PPFIA2: variants seen among roughly 807,000 people sequenced by gnomAD.
The protein encoded by PPFIA2 is PPFI scaffold protein A2.
A neutral mutation model predicts 175.5 loss-of-function variants in PPFIA2; 46 were observed. That is an observed-to-expected ratio of 0.26 (90% confidence interval 0.21 to 0.34). The LOEUF (loss-of-function observed/expected upper bound fraction) is 0.34, where lower values mean the gene tolerates loss of function less well. Among genes scored for constraint, PPFIA2 ranks in the 10% least tolerant of loss-of-function variants. PPFIA2 has a pLI of 1.00. For synonymous variants in PPFIA2, 568 were observed against 511.4 expected (o/e 1.11, Z -1.49); for missense variants, 1,179 against 1,506.1 (o/e 0.78, Z 3.60).
intron 3 of PPFIA2, among the ~76,000 whole-genome samples, chr12:81,747,183 C>G (rs775424981): frequency 4.2e-5 from 6 of 143,490 alleles, no homozygotes; most frequent in Non-Finnish European, 9.4e-5. Flanking sequence ...AATAGGATGG[C>G]TATAACAGGA....
intron 24 of PPFIA2, among the ~76,000 whole-genome samples, chr12:81,285,328 T>C (rs997179633): frequency 6.6e-6 from 1 of 152,080 alleles, no homozygotes; most frequent in Admixed American, 6.6e-5. Flanking sequence ...GAGGGTCCAA[T>C]CTTTAAAGAA....
intron 4 of PPFIA2, among the ~76,000 whole-genome samples, chr12:81,653,431 T>G (rs953731386): frequency 1.3e-5 from 2 of 152,074 alleles, no homozygotes; most frequent in African/African-American, 4.8e-5. Context: ...AAAACCAAGT[T>G]GTCAGTAGAT....
At chr12:81,603,297 T>C (rs533721851) in intron 4 of PPFIA2, among the ~76,000 whole-genome samples, 1 of 151,974 alleles carries the variant, frequency 6.6e-6, no homozygotes, top group South Asian at 2.1e-4. Context: ...TTAATTGCAA[T>C]GTCTCATTAA....
intron 4 of PPFIA2, among the ~76,000 whole-genome samples, chr12:81,543,996 A>C (rs1020109815): frequency 2.6e-5 from 4 of 152,174 alleles, no homozygotes; most frequent in Admixed American, 2.0e-4. Flanking sequence ...ATTATGTGGT[A>C]TCCTGGAAGA....
chr12:81,358,919 G>A (rs914402163), intron 15 of PPFIA2, among the ~76,000 whole-genome samples: 3 of 152,018 alleles, frequency 2.0e-5, no homozygotes, highest in African/African-American at 7.2e-5. Context: ...AAAGATGAAA[G>A]AGTCGGAAAA....
intron 20 of PPFIA2, among the ~76,000 whole-genome samples, 174 bp downstream of exon 20, chr12:81,340,904 T>C (rs1431788181): frequency 1.3e-5 from 2 of 152,062 alleles, no homozygotes; most frequent in African/African-American, 2.4e-5. Flanking sequence ...AAAATACAAA[T>C]TTGATATCAA....
At chr12:81,725,286 A>T (rs1181596461) in intron 3 of PPFIA2, among the ~76,000 whole-genome samples, 1 of 150,946 alleles carries the variant, frequency 6.6e-6, no homozygotes, top group Admixed American at 6.6e-5. Context: ...AAATACATAC[A>T]TTTTACCATA....
At chr12:81,599,967 C>T (rs1314999876) in intron 4 of PPFIA2, among the ~76,000 whole-genome samples, 1 of 151,940 alleles carries the variant, frequency 6.6e-6, no homozygotes, top group Non-Finnish European at 1.5e-5. Context: ...ATTAGTGGTA[C>T]ATGACATCCA....
At position 81,479,761 on chromosome 12, in the gene PPFIA2, C is replaced by T. The variant is rs552530086; in HGVS notation, c.304-21895G>A. Among the ~76,000 whole-genome samples, 10 of 151,550 alleles carry T rather than the reference C, an allele frequency of 6.6e-5. No homozygotes were observed. In the South Asian group the frequency reaches 2.1e-3, roughly 31 times the overall value. ...ATGTTGAATATTGGCCTCCACTCTT[C>T]TGCAGAGAGATCCGTGGTTAGTCTG... On this transcript the variant is annotated intron_variant, in intron 4 of 32. Coordinates refer to ENST00000549396, the MANE Select transcript of PPFIA2 (RefSeq NM_003625.5).
At chr12:81,267,215 G>A in intron 29 of PPFIA2, 195 bp from the exon 30 acceptor site, 1 of 507,790 alleles carries the variant, frequency 2.0e-6, no homozygotes. Flanking sequence ...TTTTTTTTCT[G>A]TGAACAGTAG....
intron 17 of PPFIA2, among the ~76,000 whole-genome samples, chr12:81,350,717 G>A (rs2059863939): frequency 6.6e-6 from 1 of 152,146 alleles, no homozygotes; most frequent in South Asian, 2.1e-4. Flanking sequence ...ACACATTTGT[G>A]TGTTTAAAAG....
chr12:81,561,219 A>G (rs1033293054), intron 4 of PPFIA2, among the ~76,000 whole-genome samples: 4 of 152,210 alleles, frequency 2.6e-5, no homozygotes, highest in African/African-American at 9.6e-5. Flanking sequence ...AGCAAACTTC[A>G]TGAACAGAAT....
In PPFIA2 at chr12:81,693,678, G is replaced by A. The variant is rs946887330; in HGVS notation, c.250-16834C>T. On this transcript the variant is annotated intron_variant, in intron 3 of 32. Transcript: ENST00000549396. ...GGAAGTGACTGTGTAACTGGGTAAC[G>A]GGCAGAGGTTGGAAGAGTTTGGAGG... Among the ~76,000 whole-genome samples, 9 of 152,100 alleles carry A rather than the reference G, an allele frequency of 5.9e-5. 1 individual carries two copies. Among genetic ancestry groups the A allele is most frequent in the East Asian group, 3.9e-4 (2 of 5,182 alleles).
intron 21 of PPFIA2, among the ~76,000 whole-genome samples, chr12:81,327,270 A>G (rs1273258966): frequency 6.6e-6 from 1 of 152,038 alleles, no homozygotes; most frequent in African/African-American, 2.4e-5. Context: ...TGTTTTAGTT[A>G]TTATTCACAT....
At chr12:81,627,377 TATAAC>T (rs2062838052) in intron 4 of PPFIA2, among the ~76,000 whole-genome samples, 1 of 152,126 alleles carries the variant, frequency 6.6e-6, no homozygotes, top group South Asian at 2.1e-4. Context: ...ATTTTATACT[TATAAC>T]AAAATATCTC....
At chr12:81,636,578 T>TAAA (rs59088035) in intron 4 of PPFIA2, among the ~76,000 whole-genome samples, 1 of 142,870 alleles carries the variant, frequency 7.0e-6, no homozygotes. Flanking sequence ...TCTCTGATAT[T>TAAA]AAAAAAAAAA....
At chr12:81,545,575 A>G (rs2066865227) in intron 4 of PPFIA2, 1 of 154,524 alleles carries the variant, frequency 6.5e-6, no homozygotes, top group African/African-American at 2.4e-5. Flanking sequence ...CTTGTCCTGC[A>G]AAAGGACAGT....
At chr12:81,691,292 C>T (rs1411036154) in intron 3 of PPFIA2, among the ~76,000 whole-genome samples, 1 of 152,120 alleles carries the variant, frequency 6.6e-6, no homozygotes, top group Non-Finnish European at 1.5e-5. Context: ...TATTATCATT[C>T]TATGTGTTTT....
chr12:81,624,803 T>C (rs899724082), intron 4 of PPFIA2, among the ~76,000 whole-genome samples: 2 of 150,500 alleles, frequency 1.3e-5, no homozygotes, highest in African/African-American at 4.9e-5. Flanking sequence ...TACAGTGATA[T>C]AATGGACTTC....
Sources: allele counts gnomAD v4.1 joint callset (sites outside exome capture counted in the v4.1 genomes callset), GRCh38; gene constraint gnomAD v4.1.1; transcripts MANE v1.5; gene names NCBI Gene and HGNC (gene_info 2026-07-23, HGNC 2026-07-21).